Variants in GPR39 observed in about 807,000 individuals in gnomAD.
The protein encoded by GPR39 is zinc sensing receptor.
Under a neutral mutation model 18.4 loss-of-function variants are expected in GPR39, and 23 were observed. The observed-to-expected ratio is 1.25, with a 90% CI of 0.90 to 1.77. The LOEUF is 1.77. GPR39 is among the 40% of genes most tolerant of loss of function. The pLI is 0.00. For missense variants in GPR39, 647 were observed against 602.4 expected (o/e 1.07, Z -0.78); for synonymous variants, 280 against 257.9 (o/e 1.09, Z -0.82).
rs142169228 is a variant in GPR39 at position 132,560,100 on chromosome 2, C to T, written c.857-85001C>T. On this transcript the variant is annotated intron_variant, in intron 1 of 1. Coordinates refer to ENST00000329321, the MANE Select transcript of GPR39 (RefSeq NM_001508.3). ...TCTGGGAGCTGTCTGCATCCCTCAG[C>T]CAGCTTAGCTCTCTTTCCCAATCCA... Among the ~76,000 whole-genome samples, 672 of 152,266 alleles carry T rather than the reference C, an allele frequency of 4.4e-3. 6 individuals are homozygous for T. The highest frequency in any genetic ancestry group is 7.3e-3 in the Non-Finnish European group (494 of 68,016).
chr2:132,485,064 A>C (rs1446146502), intron 1 of GPR39, among the ~76,000 whole-genome samples: 1 of 152,250 alleles, frequency 6.6e-6, no homozygotes, highest in Non-Finnish European at 1.5e-5. Context: ...AGATACAGGC[A>C]TACCTTGGAG....
chr2:132,610,177 C>T (rs1214338616), intron 1 of GPR39, among the ~76,000 whole-genome samples: 2 of 152,122 alleles, frequency 1.3e-5, no homozygotes, highest in East Asian at 3.9e-4. Flanking sequence ...CACAGATCCT[C>T]TATCAAGTCC....
chr2:132,630,780 T>G (rs1573708378), intron 1 of GPR39, among the ~76,000 whole-genome samples: 1 of 150,744 alleles, frequency 6.6e-6, no homozygotes. Context: ...GATGTGGGGG[T>G]GAGAGGGGAA....
At chr2:132,561,216 C>T (rs1305406974) in intron 1 of GPR39, among the ~76,000 whole-genome samples, 1 of 152,156 alleles carries the variant, frequency 6.6e-6, no homozygotes, top group African/African-American at 2.4e-5. Context: ...CTGCACCTGG[C>T]CCAGTGCCTC....
chr2:132,472,793 T>C (rs1681056938), intron 1 of GPR39, among the ~76,000 whole-genome samples: 1 of 152,158 alleles, frequency 6.6e-6, no homozygotes, highest in African/African-American at 2.4e-5. Context: ...GTGGATATAG[T>C]ATTACTTAGC....
rs751907608 is a variant in GPR39, at chr2:132,645,390, C to T, written c.1146C>T (p.Thr382=). ...KRLRVHAHST[T]DSARFVQRPL... Reference sequence around the variant, plus strand: ...TGCGCGTACATGCGCACTCCACCACCGACAGCGCCCGCTTTGTGCAGCGCC... The same window carrying T: ...TGCGCGTACATGCGCACTCCACCACTGACAGCGCCCGCTTTGTGCAGCGCC... The change falls in exon 2 of 2, where the codon ACC becomes ACT. Residue 382 remains threonine, a synonymous_variant. Transcript: ENST00000329321. 9.9e-6 allele frequency: 16 copies of T among 1,613,632 alleles called. No individual in the cohort carries two copies. The highest frequency in any genetic ancestry group is 2.2e-5 in the East Asian group (1 of 44,894).
chr2:132,625,137 A>G (rs1359959548), intron 1 of GPR39, among the ~76,000 whole-genome samples: 1 of 145,392 alleles, frequency 6.9e-6, no homozygotes, highest in Non-Finnish European at 1.5e-5. Context: ...CTTTGCTTCT[A>G]CGTGGCTTTT....
At chr2:132,458,076 C>G (rs990845141) in intron 1 of GPR39, among the ~76,000 whole-genome samples, 7 of 152,218 alleles carry the variant, frequency 4.6e-5, no homozygotes, top group Non-Finnish European at 8.8e-5. Context: ...CTCCTGACCC[C>G]TTGCACATCC....
In GPR39 at chr2:132,575,015, T is replaced by C. The variant is rs114129550; in HGVS notation, c.857-70086T>C. Among the ~76,000 whole-genome samples, 1,206 of 152,340 alleles carry C rather than the reference T, an allele frequency of 7.9e-3. 17 individuals carry two copies. Among genetic ancestry groups the C allele is most frequent in the African/African-American group, 0.028 (1,149 of 41,578 alleles). On this transcript the variant is annotated intron_variant, in intron 1 of 1. Transcript: ENST00000329321. Reference sequence around the variant, plus strand: ...AGTCAGAACTTTCTTCTGCATATTCTGTATCTACAAATTTCTACATTTATT... The same window carrying C: ...AGTCAGAACTTTCTTCTGCATATTCCGTATCTACAAATTTCTACATTTATT...
intron 1 of GPR39, among the ~76,000 whole-genome samples, chr2:132,517,032 T>A (rs1296003498): frequency 2.0e-5 from 3 of 152,100 alleles, no homozygotes; most frequent in Non-Finnish European, 4.4e-5. Context: ...ATTAACTAAC[T>A]GTATAATAAG....
intron 1 of GPR39, among the ~76,000 whole-genome samples, chr2:132,494,505 C>T (rs1432920069): frequency 6.6e-6 from 1 of 152,138 alleles, no homozygotes; most frequent in Non-Finnish European, 1.5e-5. Context: ...TTATGGGACC[C>T]ACAGGAGAAT....
intron 1 of GPR39, among the ~76,000 whole-genome samples, chr2:132,605,307 G>C (rs1470721322): frequency 6.6e-6 from 1 of 152,212 alleles, no homozygotes; most frequent in East Asian, 1.9e-4. Context: ...GCTGGAGTAA[G>C]AGGAGATGAG....
At chr2:132,518,671 A>G (rs887221531) in intron 1 of GPR39, among the ~76,000 whole-genome samples, 1 of 152,240 alleles carries the variant, frequency 6.6e-6, no homozygotes, top group African/African-American at 2.4e-5. Flanking sequence ...TGCAAACCAC[A>G]TACATAATAT....
chr2:132,603,212 A>T (rs1366461408), intron 1 of GPR39, among the ~76,000 whole-genome samples: 6 of 152,226 alleles, frequency 3.9e-5, no homozygotes, highest in African/African-American at 7.2e-5. Context: ...CTACAAAAAA[A>T]TAAAATTCTC....
At chr2:132,601,682 CT>C (rs539218970) in intron 1 of GPR39, among the ~76,000 whole-genome samples, 179 of 152,214 alleles carry the variant, frequency 1.2e-3, no homozygotes, top group Non-Finnish European at 2.2e-3. Context: ...AGCCTAAAGA[CT>C]TCACCAAAAA....
At chr2:132,591,681 G>C (rs534947496) in intron 1 of GPR39, among the ~76,000 whole-genome samples, 1 of 152,288 alleles carries the variant, frequency 6.6e-6, no homozygotes, top group African/African-American at 2.4e-5. Context: ...ATTTATGGTG[G>C]AATTGTAAAA....
chr2:132,592,796 G>A (rs1680870182), intron 1 of GPR39, among the ~76,000 whole-genome samples: 1 of 152,164 alleles, frequency 6.6e-6, no homozygotes, highest in South Asian at 2.1e-4. Context: ...TGGATTGATT[G>A]GATGCAGAAT....
At chr2:132,532,516 A>G (rs1349413562) in intron 1 of GPR39, among the ~76,000 whole-genome samples, 1 of 152,176 alleles carries the variant, frequency 6.6e-6, no homozygotes, top group Non-Finnish European at 1.5e-5. Context: ...TCATCCTGAT[A>G]CCAAAGCCTG....
chr2:132,565,944 T>C, intron 1 of GPR39, among the ~76,000 whole-genome samples: 2 of 138,600 alleles, frequency 1.4e-5, no homozygotes, highest in African/African-American at 5.5e-5. Context: ...TCAAATGGTA[T>C]TTCTAGTTCT....
Sources: gnomAD v4.1 joint callset for allele counts (sites outside exome capture counted in the v4.1 genomes callset) on GRCh38, gnomAD v4.1.1 for gene constraint, MANE v1.5 for transcripts, NCBI Gene and HGNC (gene_info 2026-07-23, HGNC 2026-07-21) for gene names.